Variants in TTLL1 observed in about 807,000 individuals in gnomAD.
The protein encoded by TTLL1 is TTL family tubulin polyglutamylase complex subunit L1.
TTLL1 carries 33 observed loss-of-function variants against 47.8 expected under a neutral mutation model. That is an observed-to-expected ratio of 0.69 (90% confidence interval 0.52 to 0.92). The LOEUF is 0.92. Among genes scored for constraint, TTLL1 ranks in the 40% least tolerant of loss-of-function variants. The pLI is 0.00. For missense variants in TTLL1, 488 were observed against 547.5 expected, an observed-to-expected ratio of 0.89 and a Z score of 1.08; for synonymous variants, 225 against 214.1, an observed-to-expected ratio of 1.05 and a Z score of -0.45.
At chr22:43,087,775 T>G (rs1425091346) in intron 1 of TTLL1, among the ~76,000 whole-genome samples, 1 of 145,528 alleles carries the variant, frequency 6.9e-6, no homozygotes, top group Non-Finnish European at 1.5e-5. Context: ...GAGGCAGAGG[T>G]TGCAGTGAGC....
At chr22:43,078,107 A>T (rs991883259) in intron 2 of TTLL1, among the ~76,000 whole-genome samples, 3 of 145,872 alleles carry the variant, frequency 2.1e-5, no homozygotes, top group African/African-American at 7.8e-5. Flanking sequence ...ACCCTGTCTT[A>T]AAAAAAAAAG....
chr22:43,068,957 G>A (rs560528137), intron 4 of TTLL1, among the ~76,000 whole-genome samples: 6 of 152,120 alleles, frequency 3.9e-5, no homozygotes, highest in South Asian at 2.1e-4. Flanking sequence ...CTTTTATCCC[G>A]GACTTGGACA....
chr22:43,081,480 A>C (rs1022632083), intron 1 of TTLL1, among the ~76,000 whole-genome samples: 2 of 152,128 alleles, frequency 1.3e-5, no homozygotes, highest in Non-Finnish European at 2.9e-5. Flanking sequence ...GTCTGAAACA[A>C]GTACATGCAG....
intron 9 of TTLL1, among the ~76,000 whole-genome samples, chr22:43,049,340 A>G (rs939225489): frequency 2.6e-5 from 4 of 151,898 alleles, no homozygotes; most frequent in African/African-American, 9.7e-5. Context: ...CCTGACCAAC[A>G]TGGAGAAACC....
intron 3 of TTLL1, among the ~76,000 whole-genome samples, chr22:43,072,002 C>T (rs1450513784): frequency 6.6e-6 from 1 of 152,174 alleles, no homozygotes; most frequent in Non-Finnish European, 1.5e-5. Context: ...ATGTTTCCAA[C>T]AGAGGAATTG....
rs5751429 is a variant in TTLL1, at chr22:43,082,503, G to A, written c.-89-2517C>T. Among the ~76,000 whole-genome samples, 124 of 152,178 alleles carry A rather than the reference G, an allele frequency of 8.1e-4. 1 individual carries two copies. The East Asian group carries it at 0.02, about 24-fold the overall frequency. On this transcript the variant is annotated intron_variant, in intron 1 of 10. Coordinates refer to ENST00000266254, the MANE Select transcript of TTLL1 (RefSeq NM_012263.5). Reference sequence around the variant, plus strand: ...GGCTGAGGTGGGTGGATCACCTAAGGTCTGGAGTTCGAGACCAGCCTGACC... The same window carrying A: ...GGCTGAGGTGGGTGGATCACCTAAGATCTGGAGTTCGAGACCAGCCTGACC...
intron 3 of TTLL1, among the ~76,000 whole-genome samples, chr22:43,070,661 A>C (rs1928057296): frequency 6.6e-6 from 1 of 152,118 alleles, no homozygotes; most frequent in South Asian, 2.1e-4. Flanking sequence ...CATCACACTC[A>C]GAAGGAGAGA....
intron 8 of TTLL1, among the ~76,000 whole-genome samples, chr22:43,058,592 G>A (rs17003462): frequency 1.1e-4 from 17 of 152,346 alleles, no homozygotes; most frequent in South Asian, 4.1e-4. Flanking sequence ...GGCTCACCCC[G>A]GGATGGCACT....
At chr22:43,049,510 T>A (rs549246123) in intron 9 of TTLL1, among the ~76,000 whole-genome samples, 50 of 137,628 alleles carry the variant, frequency 3.6e-4, no homozygotes, top group Admixed American at 7.6e-4. Flanking sequence ...GCAACAAGAG[T>A]GAAACTCAGT....
chr22:43,079,067 C>T (rs1275035817), intron 2 of TTLL1, among the ~76,000 whole-genome samples: 1 of 114,698 alleles, frequency 8.7e-6, no homozygotes, highest in Non-Finnish European at 1.8e-5. Context: ...AAGGGGACCA[C>T]GGGAGCCACA....
At chr22:43,051,921 A>C in intron 8 of TTLL1, 34 bp from the exon 9 acceptor site, 1 of 1,606,148 alleles carries the variant, frequency 6.2e-7, no homozygotes, top group Non-Finnish European at 8.5e-7. Flanking sequence ...TGACATGGCC[A>C]GCATCGAAGG....
chr22:43,059,379 C>A lies in TTLL1; in HGVS notation c.891+5G>T. 6.2e-7 allele frequency: 1 copy of A among 1,608,924 alleles called. No homozygotes were observed. The highest frequency in any genetic ancestry group is 8.5e-7 in the Non-Finnish European group (1 of 1,177,512). ...AGCCGGCTCCCCCGCCCGCACCAAACTCACCGCCACAGCCTTCAGGGACTG... is the reference window on the plus strand; with the variant it reads ...AGCCGGCTCCCCCGCCCGCACCAAAATCACCGCCACAGCCTTCAGGGACTG... On this transcript the variant is annotated splice_donor_5th_base_variant and intron_variant, in intron 8 of 10. Coordinates refer to ENST00000266254, the MANE Select transcript of TTLL1 (RefSeq NM_012263.5).
Position 43,039,540 on chromosome 22 carries a change from A to T in TTLL1, c.*236T>A. 3.3e-6 allele frequency: 1 copy of T among 304,984 alleles called. No homozygotes were observed. Among genetic ancestry groups the T allele is most frequent in the Non-Finnish European group, 5.6e-6 (1 of 179,704 alleles). The allele number at this position is 304,984 out of a possible 1,614,324, so 18.9% of individuals were successfully genotyped here. A position where few individuals can be genotyped will look rare whatever the true frequency, so the allele number is the denominator to read the frequency against. ...CTTTCTGTCAAAAAAGTGAGTTTTT[A>T]ATATGAAAATTCTGCTTAGGTTAAA... is the stretch of plus-strand genomic sequence containing the variant. On this transcript the variant is annotated 3_prime_UTR_variant, in exon 11 of 11. Coordinates refer to ENST00000266254, the MANE Select transcript of TTLL1 (RefSeq NM_012263.5).
chr22:43,071,791 G>A (rs1928140733), intron 3 of TTLL1, among the ~76,000 whole-genome samples: 1 of 152,246 alleles, frequency 6.6e-6, no homozygotes, highest in Admixed American at 6.5e-5. Flanking sequence ...ACTGACTGAG[G>A]TCATTCAGAA....
At chr22:43,053,666 G>A (rs1926801730) in intron 8 of TTLL1, among the ~76,000 whole-genome samples, 1 of 152,146 alleles carries the variant, frequency 6.6e-6, no homozygotes, top group Non-Finnish European at 1.5e-5. Context: ...CTCACTCTGA[G>A]GACAACATGC....
intron 3 of TTLL1, chr22:43,070,153 A>G: frequency 7.1e-7 from 1 of 1,413,042 alleles, no homozygotes; most frequent in Non-Finnish European, 9.5e-7. Context: ...TAACACTGTC[A>G]ACAAATAAAA....
intron 3 of TTLL1, among the ~76,000 whole-genome samples, chr22:43,071,163 C>G (rs752969955): frequency 2.1e-4 from 32 of 151,730 alleles, no homozygotes; most frequent in Non-Finnish European, 3.4e-4. Flanking sequence ...CTGATCCTGC[C>G]GCCTCAGCCT....
At chr22:43,071,228 A>G (rs1928098959) in intron 3 of TTLL1, among the ~76,000 whole-genome samples, 1 of 151,680 alleles carries the variant, frequency 6.6e-6, no homozygotes, top group Non-Finnish European at 1.5e-5. Context: ...CGGCAGGAAT[A>G]CTTCTATAGG....
intron 10 of TTLL1, among the ~76,000 whole-genome samples, chr22:43,041,620 T>G (rs958483981): frequency 6.6e-6 from 1 of 151,146 alleles, no homozygotes; most frequent in African/African-American, 2.4e-5. Context: ...GTTCAAGAGA[T>G]TCTCATGCCT....
Sources: allele counts gnomAD v4.1 joint callset (sites outside exome capture counted in the v4.1 genomes callset), GRCh38; gene constraint gnomAD v4.1.1; transcripts MANE v1.5; gene names NCBI Gene and HGNC (gene_info 2026-07-23, HGNC 2026-07-21).